Variants in RASAL2 observed in about 807,000 individuals in gnomAD.
RASAL2 encodes ras GTPase-activating protein nGAP.
In RASAL2, 58 loss-of-function variants were observed where a neutral mutation model predicts 128.9. That is an observed-to-expected ratio of 0.45 (90% CI 0.36 to 0.56). The LOEUF (loss-of-function observed/expected upper bound fraction) is 0.56, where lower values mean the gene tolerates loss of function less well. RASAL2 is among the 20% of genes least tolerant of loss of function. The probability of loss-of-function intolerance (pLI) is 0.00; values close to 1 mark genes in which losing one functional copy is unlikely to be tolerated. For missense variants in RASAL2, 1,360 were observed against 1,601.6 expected (o/e 0.85, Z 2.57); for synonymous variants, 561 against 580.8 (o/e 0.97, Z 0.49).
chr1:178,356,708 G>A (rs1381205807), intron 3 of RASAL2, among the ~76,000 whole-genome samples: 1 of 152,136 alleles, frequency 6.6e-6, no homozygotes, highest in Non-Finnish European at 1.5e-5. Context: ...TAGGTATAGT[G>A]GTTATCTATA....
intron 1 of RASAL2, 152 bp downstream of exon 1, chr1:178,094,846 G>T (rs934874348): frequency 1.6e-5 from 15 of 957,348 alleles, no homozygotes; most frequent in Non-Finnish European, 2.3e-5. Flanking sequence ...TTTCTGACAA[G>T]TTTCTTCAGA....
chr1:178,368,664 G>A (rs1032392340), intron 3 of RASAL2, among the ~76,000 whole-genome samples: 1 of 150,882 alleles, frequency 6.6e-6, no homozygotes, highest in African/African-American at 2.4e-5. Context: ...TAGAAACAGG[G>A]TCTCACTCCG....
intron 1 of RASAL2, among the ~76,000 whole-genome samples, chr1:178,229,588 T>C (rs1009995114): frequency 7.2e-5 from 11 of 152,170 alleles, no homozygotes; most frequent in African/African-American, 2.7e-4. Flanking sequence ...TATCCCTCAC[T>C]GTTCATCAAT....
intron 3 of RASAL2, among the ~76,000 whole-genome samples, chr1:178,344,272 A>G (rs1670034148): frequency 6.6e-6 from 1 of 152,196 alleles, no homozygotes; most frequent in Non-Finnish European, 1.5e-5. Flanking sequence ...TGACTCATTG[A>G]AAGGAACTGC....
intron 4 of RASAL2, among the ~76,000 whole-genome samples, chr1:178,403,828 T>C (rs1673804375): frequency 6.6e-6 from 1 of 152,106 alleles, no homozygotes; most frequent in Non-Finnish European, 1.5e-5. Context: ...ATAAATTTGA[T>C]TGTACAAAAG....
intron 1 of RASAL2, among the ~76,000 whole-genome samples, chr1:178,221,489 A>G (rs540313796): frequency 6.6e-6 from 1 of 152,248 alleles, no homozygotes; most frequent in African/African-American, 2.4e-5. Context: ...TTTGCAATAT[A>G]TTTAAATTTC....
At chr1:178,311,694 A>G (rs1219062817) in intron 3 of RASAL2, among the ~76,000 whole-genome samples, 1 of 152,160 alleles carries the variant, frequency 6.6e-6, no homozygotes, top group Admixed American at 6.6e-5. Flanking sequence ...CCTTTACCCT[A>G]CAGGCAGGAG....
rs1037451433 is a variant in RASAL2, at chr1:178,118,862, T to G, written c.202+24168T>G. On this transcript the variant is annotated intron_variant, in intron 1 of 17. Transcript: ENST00000367649. Reference sequence around the variant, plus strand: ...ATGTCACACAATTGAGCAGGTTTTTTTTTTTTTGTTTGTTTGTTTTTTGAG... The same window carrying G: ...ATGTCACACAATTGAGCAGGTTTTTGTTTTTTTGTTTGTTTGTTTTTTGAG... 6.9e-4 allele frequency among the ~76,000 whole-genome samples: 101 copies of G among 147,224 alleles called. 1 individual carries two copies. The highest frequency in any genetic ancestry group is 6.8e-4 in the Admixed American group (10 of 14,720).
chr1:178,438,881 C>CTGTGTGTGTGTGTGTGTGTGTG (rs3042589), intron 5 of RASAL2, among the ~76,000 whole-genome samples: 3 of 129,392 alleles, frequency 2.3e-5, no homozygotes, highest in East Asian at 2.7e-4. Flanking sequence ...AGCTTCGACT[C>CTGTGTGTGTGTGTGTGTGTGTG]TGTGTGTGTG....
intron 2 of RASAL2, among the ~76,000 whole-genome samples, chr1:178,291,768 G>A (rs554507191): frequency 4.6e-5 from 7 of 152,234 alleles, no homozygotes; most frequent in South Asian, 2.1e-4. Flanking sequence ...CGGGCACGGC[G>A]GCTCACACCT....
intron 3 of RASAL2, among the ~76,000 whole-genome samples, chr1:178,353,980 A>G (rs1670659067): frequency 1.3e-5 from 2 of 151,700 alleles, no homozygotes; most frequent in Non-Finnish European, 2.9e-5. Context: ...CAAAAAAAAA[A>G]GAAGAAGGAA....
intron 1 of RASAL2, among the ~76,000 whole-genome samples, chr1:178,258,377 G>T (rs1398689138): frequency 6.6e-6 from 1 of 151,066 alleles, no homozygotes; most frequent in African/African-American, 2.4e-5. Flanking sequence ...ACCTAATTTG[G>T]GACTTGTATC....
At chr1:178,132,891 C>T (rs1220574707) in intron 1 of RASAL2, among the ~76,000 whole-genome samples, 1 of 151,714 alleles carries the variant, frequency 6.6e-6, no homozygotes, top group Non-Finnish European at 1.5e-5. Flanking sequence ...GCCTCAACCT[C>T]CCAAGTAGCT....
intron 3 of RASAL2, among the ~76,000 whole-genome samples, chr1:178,313,865 A>C (rs1261281957): frequency 6.6e-6 from 1 of 152,198 alleles, no homozygotes; most frequent in Non-Finnish European, 1.5e-5. Context: ...AGATAAATTG[A>C]ATCTGACAAA....
In RASAL2 at chr1:178,473,136, T is replaced by G. The variant is rs1225317330; in HGVS notation, c.3740T>G (p.Val1247Gly). 1.9e-6 allele frequency: 3 copies of G among 1,614,116 alleles called. No individual in the cohort carries two copies. The highest frequency in any genetic ancestry group is 2.5e-6 in the Non-Finnish European group (3 of 1,180,012). Reference sequence around the variant, plus strand: ...AGACTGATGAGCGCGCTGACCCAAGTGAAGGAGCGGTACAGCATGCAGGTC... The same window carrying G: ...AGACTGATGAGCGCGCTGACCCAAGGGAAGGAGCGGTACAGCATGCAGGTC... ...NTRLMSALTQVKERYSMQVRN... is the reference protein window; with the variant it reads ...NTRLMSALTQGKERYSMQVRN... Residue 1247 changes from valine (V) to glycine (G), a missense_variant, in exon 18 of 18, where the codon GTG (valine) becomes GGG (glycine). Coordinates refer to ENST00000367649, the MANE Select transcript of RASAL2 (RefSeq NM_170692.4).
intron 1 of RASAL2, among the ~76,000 whole-genome samples, chr1:178,158,978 CA>C (rs1349598546): frequency 6.6e-6 from 1 of 152,130 alleles, no homozygotes; most frequent in South Asian, 2.1e-4. Flanking sequence ...GGCTTAACTC[CA>C]GATTACCGGA....
intron 1 of RASAL2, among the ~76,000 whole-genome samples, chr1:178,220,126 C>G (rs1663567075): frequency 6.6e-6 from 1 of 152,156 alleles, no homozygotes; most frequent in Non-Finnish European, 1.5e-5. Flanking sequence ...GAGGCTGTCA[C>G]CAGAAGCAAA....
intron 2 of RASAL2, among the ~76,000 whole-genome samples, chr1:178,290,040 C>T (rs1667206540): frequency 6.6e-6 from 1 of 152,186 alleles, no homozygotes; most frequent in African/African-American, 2.4e-5. Flanking sequence ...GAACTTCTGA[C>T]CTAATTACCT....
intron 4 of RASAL2, among the ~76,000 whole-genome samples, chr1:178,394,183 A>G (rs1673078016): frequency 1.3e-5 from 2 of 152,204 alleles, no homozygotes; most frequent in East Asian, 1.9e-4. Flanking sequence ...ATACATATGT[A>G]TAAATTCACA....
Sources: allele counts gnomAD v4.1 joint callset (sites outside exome capture counted in the v4.1 genomes callset), GRCh38; gene constraint gnomAD v4.1.1; transcripts MANE v1.5; gene names NCBI Gene and HGNC (gene_info 2026-07-23, HGNC 2026-07-21).